SP140: variants seen among roughly 807,000 people sequenced by gnomAD.
SP140 encodes SP140 nuclear body protein.
In SP140, 81 loss-of-function variants were observed where a neutral mutation model predicts 125.0. The ratio of observed to expected loss-of-function variants is 0.65; its 90% CI spans 0.54 to 0.78. The LOEUF (loss-of-function observed/expected upper bound fraction) is 0.78, where lower values mean the gene tolerates loss of function less well. SP140 is among the 30% of genes least tolerant of loss of function. The pLI, the probability that SP140 is intolerant of heterozygous loss-of-function variation, is 0.00. For synonymous variants in SP140, 312 were observed against 354.0 expected (o/e 0.88, Z 1.33); for missense variants, 858 against 1,037.0 (o/e 0.83, Z 2.37).
At chr2:230,247,250 A>G (rs1383422568) in intron 7 of SP140, among the ~76,000 whole-genome samples, 1 of 152,196 alleles carries the variant, frequency 6.6e-6, no homozygotes, top group Non-Finnish European at 1.5e-5. Flanking sequence ...GTTTTTCAGG[A>G]ACCTCAATAC....
chr2:230,244,405 C>G (rs1245472907), intron 5 of SP140, among the ~76,000 whole-genome samples: 1 of 152,216 alleles, frequency 6.6e-6, no homozygotes, highest in Non-Finnish European at 1.5e-5. Flanking sequence ...TCCCTGCTGA[C>G]TCACTGCGGT....
intron 9 of SP140, among the ~76,000 whole-genome samples, chr2:230,249,415 G>A (rs2050014902): frequency 6.6e-6 from 1 of 152,140 alleles, no homozygotes; most frequent in Non-Finnish European, 1.5e-5. Flanking sequence ...CCCTTGGGAT[G>A]GTGCTGACAA....
At chr2:230,268,924 A>T (rs2053532270) in intron 12 of SP140, among the ~76,000 whole-genome samples, 1 of 152,192 alleles carries the variant, frequency 6.6e-6, no homozygotes, top group South Asian at 2.1e-4. Context: ...CTAAAAGCTG[A>T]TTTATTCCTA....
At chr2:230,212,118 G>C (rs72982424) in intron 1 of SP140, among the ~76,000 whole-genome samples, 12,254 of 152,276 alleles carry the variant, frequency 0.08, 668 homozygotes, top group South Asian at 0.24. Flanking sequence ...ATCAGCTAAG[G>C]GTCACTAGTG....
chr2:230,313,808 C>T (rs2059460598), downstream of SP140, among the ~76,000 whole-genome samples: 1 of 152,134 alleles, frequency 6.6e-6, no homozygotes, highest in Non-Finnish European at 1.5e-5. Flanking sequence ...CAAATTTTCA[C>T]CTGTAGTAAA....
Position 230,253,328 on chromosome 2 carries a change from C to CTGCA in SP140, c.1071_1074dup (p.Glu359CysfsTer5). ...TGTGGTCTGTCAGTTTCTTGTTTAT[C>CTGCA]TGCAGAGACCTTTGATCTAAAGACT... On this transcript the variant is annotated frameshift_variant, in exon 11 of 27. Coordinates refer to ENST00000392045, the MANE Select transcript of SP140 (RefSeq NM_007237.5). LOFTEE classifies it high-confidence loss of function. 6.2e-7 allele frequency: 1 copy of CTGCA among 1,610,886 alleles called. No homozygotes were observed. The highest frequency in any genetic ancestry group is 8.5e-7 in the Non-Finnish European group (1 of 1,177,208).
In SP140 at chr2:230,237,366, C is replaced by A; in HGVS notation, c.237+106C>A. The A allele has an allele frequency of 1.1e-6, 1 of 947,952 alleles. No individual in the cohort carries two copies. Among genetic ancestry groups the A allele is most frequent in the South Asian group, 1.5e-5 (1 of 64,820 alleles). The allele number at this position is 947,952 out of a possible 1,614,324, so 58.7% of individuals were successfully genotyped here. ...AGGGCCTCCTGTGAGTGGGGACCTTCACCATTCTGTAGGTTAGGAGGTGAC... is the reference window on the plus strand; with the variant it reads ...AGGGCCTCCTGTGAGTGGGGACCTTAACCATTCTGTAGGTTAGGAGGTGAC... On this transcript the variant is annotated intron_variant, in intron 2 of 26. Coordinates refer to ENST00000392045, the MANE Select transcript of SP140 (RefSeq NM_007237.5). The surrounding 1 kb of genome is among the most constrained non-coding windows in gnomAD (Gnocchi z 5.4).
chr2:230,221,833 AG>A (rs2045845372), upstream of SP140: 1 of 1,059,966 alleles, frequency 9.4e-7, no homozygotes, highest in Non-Finnish European at 1.4e-6. Context: ...ACAAAAGTAA[AG>A]CAGGAGTGGG....
intron 1 of SP140, among the ~76,000 whole-genome samples, chr2:230,226,975 G>A (rs2149020425): frequency 6.6e-6 from 1 of 152,198 alleles, no homozygotes; most frequent in South Asian, 2.1e-4. Flanking sequence ...TAAGTCTAGA[G>A]ATGATTTAAA....
At chr2:230,219,829 C>T in intron 3 of SP140, 1 of 783,082 alleles carries the variant, frequency 1.3e-6, no homozygotes, top group Non-Finnish European at 1.6e-6. Context: ...CTAAGAGCTG[C>T]AGTCACCAAG....
chr2:230,288,519 T>TTCTTTCTTTCTTTC (rs2056739963), intron 18 of SP140, among the ~76,000 whole-genome samples: 1 of 62,858 alleles, frequency 1.6e-5, no homozygotes, highest in African/African-American at 5.3e-5. Flanking sequence ...CTTTCTTTCT[T>TTCTTTCTTTCTTTC]TCTTTTTTTA....
At chr2:230,225,318 TC>T (rs1270994250), upstream of SP140, among the ~76,000 whole-genome samples, 1 of 152,154 alleles carries the variant, frequency 6.6e-6, no homozygotes, top group African/African-American at 2.4e-5. Context: ...TAAGAGCATC[TC>T]CCCCACTTTC....
the SP140 span, among the ~76,000 whole-genome samples, chr2:230,193,884 C>A: frequency 6.6e-6 from 1 of 152,236 alleles, no homozygotes; most frequent in South Asian, 2.1e-4. Context: ...TTGTTGGGAG[C>A]AAAGAGGAAT....
At chr2:230,293,124 A>G (rs900449469) in intron 20 of SP140, among the ~76,000 whole-genome samples, 1 of 152,224 alleles carries the variant, frequency 6.6e-6, no homozygotes. Flanking sequence ...AGAATGGCAT[A>G]AAAGCCAGAA....
chr2:230,265,890 C>T (rs1419280772), intron 12 of SP140, among the ~76,000 whole-genome samples: 3 of 151,620 alleles, frequency 2.0e-5, no homozygotes, highest in African/African-American at 7.3e-5. Context: ...TTTTTATGTA[C>T]GTATAAAAGA....
In SP140 at chr2:230,269,595, G is replaced by A; in HGVS notation, c.1304G>A (p.Ser435Asn). 6.3e-7 allele frequency: 1 copy of A among 1,593,348 alleles called. No homozygotes were observed. Among genetic ancestry groups the A allele is most frequent in the Non-Finnish European group, 8.6e-7 (1 of 1,166,302 alleles). The change falls in exon 13 of 27, where the codon AGC (serine) becomes AAC (asparagine). Residue 435 changes from serine to asparagine, a missense_variant. Ser to Asn is a conservative substitution (Grantham distance 46). This residue lies in a region of SP140 where 791 missense variants were observed against 869.5 expected (regional missense o/e 0.91). Coordinates refer to ENST00000392045, the MANE Select transcript of SP140 (RefSeq NM_007237.5). The part of the protein sequence containing the change: ...EEGESEELAS[S>N]LLYDNVPGAE... The stretch of plus-strand genomic sequence containing the variant: ...GGAGAATCAGAAGAGCTTGCTTCTA[G>A]CCTGCTATATGATAATGTACCAGGT...
chr2:230,253,373 G>A lies in SP140; in HGVS notation c.1115G>A (p.Gly372Glu), dbSNP rs1435054483. Residue 372 changes from glycine (G) to glutamate (E), a missense_variant, in exon 11 of 27, where the codon GGA becomes GAA. Around this residue, in one of 4 missense-constraint regions of SP140, gnomAD observed 791 missense variants for 869.5 expected, o/e 0.91. Transcript: ENST00000392045. ...DLKTPQVTNE[G>E]EPEKELSLLP... Reference sequence around the variant, plus strand: ...AAGACTCCCCAAGTCACTAATGAAGGAGAACCAGAGAAGGAGCTCAGTCTA... The same window carrying A: ...AAGACTCCCCAAGTCACTAATGAAGAAGAACCAGAGAAGGAGCTCAGTCTA... 9 of 1,612,112 alleles carry A rather than the reference G, an allele frequency of 5.6e-6. No individual in the cohort carries two copies. Among genetic ancestry groups the A allele is most frequent in the Non-Finnish European group, 6.8e-6 (8 of 1,178,240 alleles).
At chr2:230,295,444 C>T (rs753026434) in intron 21 of SP140, among the ~76,000 whole-genome samples, 2 of 152,194 alleles carry the variant, frequency 1.3e-5, no homozygotes, top group Non-Finnish European at 1.5e-5. Context: ...TACCTTTCAC[C>T]GGGTGCCAAG....
rs1219448757 is a variant in SP140 at position 230,252,289 on chromosome 2, C to T, written c.1058-1027C>T. Among the ~76,000 whole-genome samples the T allele has an allele frequency of 6.8e-4, 103 of 151,768 alleles. 1 individual carries two copies. The highest frequency in any genetic ancestry group is 6.6e-3 in the Admixed American group (101 of 15,232). The stretch of plus-strand genomic sequence containing the variant: ...GGGAGAGATGTTTGGAAGAGAAAGT[C>T]CACAGAGCCAAAGAGAAGGACAGTT... On this transcript the variant is annotated intron_variant, in intron 10 of 26. Transcript: ENST00000392045.
Sources: allele counts gnomAD v4.1 joint callset (sites outside exome capture counted in the v4.1 genomes callset), GRCh38; gene constraint gnomAD v4.1.1; regional missense constraint gnomAD v4.1.1; non-coding constraint Gnocchi (gnomAD v3.1); transcripts MANE v1.5; gene names NCBI Gene and HGNC (gene_info 2026-07-23, HGNC 2026-07-21).